Variants in PDE3B observed in about 807,000 individuals in gnomAD.
PDE3B encodes phosphodiesterase 3B, also known as cGMP-inhibited 3',5'-cyclic phosphodiesterase 3B.
Under a neutral mutation model 116.8 loss-of-function variants are expected in PDE3B, and 66 were observed. That is an observed-to-expected ratio of 0.56 (90% CI 0.46 to 0.69). PDE3B has a LOEUF of 0.69. Among genes scored for constraint, PDE3B ranks in the 30% least tolerant of loss-of-function variants. PDE3B has a pLI of 0.00. For missense variants in PDE3B, 1,384 were observed against 1,368.1 expected, an observed-to-expected ratio of 1.01 and a Z score of -0.18; for synonymous variants, 595 against 533.6, an observed-to-expected ratio of 1.12 and a Z score of -1.59.
intron 1 of PDE3B, 123 bp downstream of exon 1, chr11:14,645,176 C>CGT (rs1278972649): frequency 2.1e-5 from 1 of 47,536 alleles, no homozygotes; most frequent in African/African-American, 1.0e-4. Context: ...GGGTGTGTTG[C>CGT]GGGGGGGGGG....
intron 1 of PDE3B, among the ~76,000 whole-genome samples, chr11:14,697,943 C>T (rs1329918560): frequency 6.6e-6 from 1 of 151,978 alleles, no homozygotes; most frequent in Admixed American, 6.6e-5. Context: ...GGTATATAAT[C>T]ATGTTACCTG....
At position 14,819,174 on chromosome 11, in the gene PDE3B, A is replaced by T. The variant is rs151207774; in HGVS notation, c.1772A>T (p.Glu591Val). Residue 591 changes from glutamate to valine, a missense_variant, in exon 7 of 16, where the codon GAA (glutamate) becomes GTA (valine). Around this residue, in one of 2 missense-constraint regions of PDE3B, gnomAD observed 956 missense variants for 806.8 expected, o/e 1.18. Transcript: ENST00000282096. ...HQMLKYVSTS[E>V]SDGTDCCSGK... ...ATGCTGAAATATGTTTCAACATCTG[A>T]ATCAGATGGTACAGATTGCTGCAGT... The T allele has an allele frequency of 3.8e-6, 6 of 1,599,126 alleles. No individual in the cohort carries two copies. The African/African-American group carries it at 5.4e-5, about 14-fold the overall frequency.
chr11:14,663,785 C>G (rs746462107), intron 1 of PDE3B, among the ~76,000 whole-genome samples: 2 of 152,138 alleles, frequency 1.3e-5, no homozygotes, highest in Admixed American at 6.5e-5. Context: ...CCTGAGTAAC[C>G]TACAAAGAGA....
At chr11:14,754,339 T>C (rs1252773472) in intron 1 of PDE3B, among the ~76,000 whole-genome samples, 1 of 152,134 alleles carries the variant, frequency 6.6e-6, no homozygotes, top group African/African-American at 2.4e-5. Context: ...CTCATTATTA[T>C]TAATATCAAT....
At chr11:14,895,015 G>A in the PDE3B span, among the ~76,000 whole-genome samples, 1 of 152,206 alleles carries the variant, frequency 6.6e-6, no homozygotes, top group South Asian at 2.1e-4. Flanking sequence ...TTCTAACAGA[G>A]AACAGCAATG....
chr11:14,726,762 A>T (rs1782913821), intron 1 of PDE3B, among the ~76,000 whole-genome samples: 1 of 152,140 alleles, frequency 6.6e-6, no homozygotes, highest in Non-Finnish European at 1.5e-5. Flanking sequence ...AAAGATGAAG[A>T]TTGTTTTGTG....
At chr11:14,747,654 C>G (rs1332974025) in intron 1 of PDE3B, among the ~76,000 whole-genome samples, 1 of 152,030 alleles carries the variant, frequency 6.6e-6, no homozygotes, top group Non-Finnish European at 1.5e-5. Context: ...CCTAAAAAAT[C>G]AAGCAACCAA....
intron 5 of PDE3B, among the ~76,000 whole-genome samples, chr11:14,804,673 ATAT>A (rs760201418): frequency 3.3e-5 from 5 of 152,288 alleles, no homozygotes; most frequent in Admixed American, 1.3e-4. Flanking sequence ...AGATCAGAAA[ATAT>A]TATTGATAAT....
chr11:14,679,763 T>G (rs1394297410), intron 1 of PDE3B, among the ~76,000 whole-genome samples: 1 of 151,676 alleles, frequency 6.6e-6, no homozygotes. Flanking sequence ...ACTAAATTTT[T>G]CCCTTACTCT....
chr11:14,648,442 C>T (rs138531137), intron 1 of PDE3B, among the ~76,000 whole-genome samples: 220 of 152,134 alleles, frequency 1.4e-3, no homozygotes, highest in African/African-American at 4.9e-3. Flanking sequence ...ATTTGCAAGG[C>T]ATAATTCCCT....
chr11:14,872,490 C>G (rs1170449022), downstream of PDE3B, among the ~76,000 whole-genome samples: 3 of 152,088 alleles, frequency 2.0e-5, no homozygotes, highest in South Asian at 2.1e-4. Context: ...AGATAGAGCA[C>G]AAGAAGAGGG....
intron 2 of PDE3B, among the ~76,000 whole-genome samples, chr11:14,780,767 A>G (rs1857965876): frequency 6.6e-6 from 1 of 152,252 alleles, no homozygotes; most frequent in Non-Finnish European, 1.5e-5. Context: ...AAGAGAAGCA[A>G]GAGCAAACAC....
chr11:14,860,904 T>C (rs1245799136), intron 13 of PDE3B, among the ~76,000 whole-genome samples: 2 of 123,188 alleles, frequency 1.6e-5, no homozygotes, highest in Non-Finnish European at 3.7e-5. Context: ...ACTTAATAAA[T>C]ACATATATAT....
intron 1 of PDE3B, among the ~76,000 whole-genome samples, chr11:14,671,207 CAG>C (rs1179597651): frequency 6.6e-5 from 10 of 152,000 alleles, no homozygotes; most frequent in Admixed American, 2.0e-4. Context: ...GAAAATAAAA[CAG>C]AATAATAGTA....
chr11:14,653,227 T>G (rs963974503), intron 1 of PDE3B, among the ~76,000 whole-genome samples: 3 of 152,172 alleles, frequency 2.0e-5, no homozygotes, highest in Non-Finnish European at 4.4e-5. Flanking sequence ...GTGCTGCATA[T>G]GTAGACTCAG....
At chr11:14,666,884 C>G (rs1399291466) in intron 1 of PDE3B, among the ~76,000 whole-genome samples, 1 of 152,172 alleles carries the variant, frequency 6.6e-6, no homozygotes, top group East Asian at 1.9e-4. Context: ...GGCAATTCCT[C>G]AGGGATCTAG....
chr11:14,651,246 CCCTGTATGTTCACATAGTCTTTCCCTGTA>C (rs1853567908), intron 1 of PDE3B, among the ~76,000 whole-genome samples: 2 of 152,168 alleles, frequency 1.3e-5, no homozygotes, highest in Admixed American at 6.5e-5. Flanking sequence ...ATGGCATTCT[CCCTGTATGTTCACATAGTCTTTCCCTGTA>C]CCTGTCTTTG....
At chr11:14,685,447 T>A (rs1241087218) in intron 1 of PDE3B, among the ~76,000 whole-genome samples, 1 of 34,176 alleles carries the variant, frequency 2.9e-5, no homozygotes. Context: ...TTTTCTCATC[T>A]TTTTTTTTTT....
downstream of PDE3B, among the ~76,000 whole-genome samples, chr11:14,875,411 C>G (rs758831600): frequency 2.0e-4 from 31 of 152,082 alleles, no homozygotes; most frequent in Non-Finnish European, 3.8e-4. Flanking sequence ...ATGGTTATTT[C>G]AGTGATACAT....
Sources: allele counts gnomAD v4.1 joint callset (sites outside exome capture counted in the v4.1 genomes callset), GRCh38; gene constraint gnomAD v4.1.1; regional missense constraint gnomAD v4.1.1; transcripts MANE v1.5; gene names NCBI Gene and HGNC (gene_info 2026-07-23, HGNC 2026-07-21).